Variants in RCHY1 observed in about 807,000 individuals in gnomAD.
The protein encoded by RCHY1 is ring finger and CHY zinc finger domain containing 1.
A neutral mutation model predicts 41.6 loss-of-function variants in RCHY1; 21 were observed. The ratio of observed to expected loss-of-function variants is 0.51; its 90% confidence interval spans 0.36 to 0.73. RCHY1 has a LOEUF of 0.73. RCHY1 is among the 30% of genes least tolerant of loss of function. The pLI is 0.00. For synonymous variants in RCHY1, 79 were observed against 102.9 expected (o/e 0.77, Z 1.41); for missense variants, 265 against 325.3 (o/e 0.81, Z 1.43).
intron 3 of RCHY1, among the ~76,000 whole-genome samples, chr4:75,502,730 T>C (rs983029811): frequency 1.3e-5 from 2 of 152,186 alleles, no homozygotes; most frequent in African/African-American, 4.8e-5. Context: ...CCTTTCACAT[T>C]ATCAATCATT....
At chr4:75,507,562 G>C (rs933841963) in intron 3 of RCHY1, among the ~76,000 whole-genome samples, 2 of 151,924 alleles carry the variant, frequency 1.3e-5, no homozygotes, top group African/African-American at 4.8e-5. Flanking sequence ...TATCAAACTG[G>C]ATTGAAAAAT....
chr4:75,491,873 A>C lies in RCHY1; in HGVS notation c.450+16T>G. The C allele has an allele frequency of 6.2e-7, 1 of 1,608,982 alleles. No individual in the cohort carries two copies. Among genetic ancestry groups the C allele is most frequent in the Non-Finnish European group, 8.5e-7 (1 of 1,177,768 alleles). On this transcript the variant is annotated intron_variant, in intron 5 of 8. Transcript: ENST00000324439. Reference sequence around the variant, plus strand: ...AAGAGCTGAGACTTCCAAAGTAAAAAATATTTTAAGCCTACCTCCAAACAT... The same window carrying C: ...AAGAGCTGAGACTTCCAAAGTAAAACATATTTTAAGCCTACCTCCAAACAT...
intron 1 of RCHY1, among the ~76,000 whole-genome samples, chr4:75,513,766 T>G (rs1725220168): frequency 1.3e-5 from 2 of 152,244 alleles, no homozygotes; most frequent in African/African-American, 4.8e-5. Flanking sequence ...GCCTTTAACA[T>G]GAAGCTGGCA....
chr4:75,508,463 A>C (rs1036326435), intron 3 of RCHY1, among the ~76,000 whole-genome samples: 2 of 152,132 alleles, frequency 1.3e-5, no homozygotes, highest in African/African-American at 4.8e-5. Context: ...TTTTTTAAAT[A>C]CTAATTTTTA....
chr4:75,499,858 AG>A (rs2148749933), intron 3 of RCHY1, among the ~76,000 whole-genome samples: 1 of 152,360 alleles, frequency 6.6e-6, no homozygotes, highest in South Asian at 2.1e-4. Flanking sequence ...GGTGTTTGAT[AG>A]ACCAGTAGGG....
intron 2 of RCHY1, 68 bp downstream of exon 2, chr4:75,509,109 G>T: frequency 7.0e-7 from 1 of 1,433,274 alleles, no homozygotes; most frequent in Non-Finnish European, 9.5e-7. Flanking sequence ...TGATACTTTT[G>T]ATTAAATTTT....
chr4:75,510,463 T>C (rs944659391), intron 1 of RCHY1, among the ~76,000 whole-genome samples: 14 of 152,240 alleles, frequency 9.2e-5, no homozygotes, highest in African/African-American at 3.4e-4. Flanking sequence ...TCCACTCATT[T>C]CTGAAGGCTT....
chr4:75,484,544 A>G (rs1721820529), intron 8 of RCHY1, among the ~76,000 whole-genome samples: 1 of 152,096 alleles, frequency 6.6e-6, no homozygotes, highest in Non-Finnish European at 1.5e-5. Context: ...TTCTTCTTGC[A>G]CATTTAAGTA....
At chr4:75,509,080 G>A (rs1396535423) in intron 2 of RCHY1, 97 bp downstream of exon 2, 10 of 1,303,580 alleles carry the variant, frequency 7.7e-6, no homozygotes, top group Non-Finnish European at 9.5e-6. Flanking sequence ...TATTCTAGAA[G>A]TTAAAGAAAT....
At chr4:75,498,564 C>G (rs904958152) in intron 3 of RCHY1, among the ~76,000 whole-genome samples, 10 of 149,888 alleles carry the variant, frequency 6.7e-5, no homozygotes, top group Non-Finnish European at 1.3e-4. Context: ...GTAATCAAAT[C>G]AGCATGGTAC....
intron 3 of RCHY1, among the ~76,000 whole-genome samples, chr4:75,496,113 G>A (rs899983424): frequency 7.9e-5 from 12 of 152,174 alleles, no homozygotes; most frequent in Non-Finnish European, 1.8e-4. Flanking sequence ...CTGCAGGGAC[G>A]TTTCCACTAC....
chr4:75,479,215 A>T lies in RCHY1; in HGVS notation c.*3323T>A, dbSNP rs1178915686. ...TAATCATTCTACACTGTAAACATATATCAAAACATCACATTGTACTCCATA... is the reference window on the plus strand; with the variant it reads ...TAATCATTCTACACTGTAAACATATTTCAAAACATCACATTGTACTCCATA... On this transcript the variant is annotated 3_prime_UTR_variant, in exon 9 of 9. Transcript: ENST00000324439. 6.6e-6 allele frequency: 1 copy of T among 152,158 alleles called. No homozygotes were observed. Among genetic ancestry groups the T allele is most frequent in the Admixed American group, 6.5e-5 (1 of 15,270 alleles). 9.4% of individuals were successfully genotyped at this position (152,158 alleles called of 1,614,324 possible). A position where few individuals can be genotyped will look rare whatever the true frequency, so the allele number is the denominator to read the frequency against.
At chr4:75,509,360 A>G in intron 1 of RCHY1, 64 bp from the exon 2 acceptor site, 3 of 1,531,436 alleles carry the variant, frequency 2.0e-6, no homozygotes, top group East Asian at 4.6e-5. Context: ...TGCAATACAA[A>G]AAGAAAATTT....
intron 3 of RCHY1, among the ~76,000 whole-genome samples, chr4:75,501,380 T>C (rs1379523390): frequency 3.3e-5 from 5 of 152,252 alleles, no homozygotes; most frequent in Admixed American, 6.5e-5. Flanking sequence ...CTAAAGACAG[T>C]ATTTGTCAAA....
intron 3 of RCHY1, among the ~76,000 whole-genome samples, chr4:75,504,261 TACAGTTGACCCCTTGA>T (rs1724086132): frequency 1.2e-5 from 1 of 80,002 alleles, no homozygotes; most frequent in Non-Finnish European, 2.3e-5. Context: ...GACAAGTAAA[TACAGTTGACCCCTTGA>T]ACAACACAAA....
intron 3 of RCHY1, among the ~76,000 whole-genome samples, chr4:75,505,194 T>A (rs2148764524): frequency 6.6e-6 from 1 of 152,248 alleles, no homozygotes; most frequent in South Asian, 2.1e-4. Flanking sequence ...TGTGCTCCTA[T>A]GAGAATCTAA....
At chr4:75,490,252 T>C (rs184385541) in intron 8 of RCHY1, among the ~76,000 whole-genome samples, 7 of 152,190 alleles carry the variant, frequency 4.6e-5, no homozygotes, top group Admixed American at 2.6e-4. Flanking sequence ...TAAAATGTAC[T>C]TAAAAAGTCC....
At chr4:75,509,324 T>C (rs775861951) in intron 1 of RCHY1, 28 bp from the exon 2 acceptor site, 18 of 1,601,170 alleles carry the variant, frequency 1.1e-5, no homozygotes, top group East Asian at 6.7e-5. Context: ...AAAAGAGATA[T>C]AGTAAGAAGC....
At chr4:75,488,853 G>A (rs1209272525) in intron 8 of RCHY1, among the ~76,000 whole-genome samples, 1 of 152,080 alleles carries the variant, frequency 6.6e-6, no homozygotes, top group Non-Finnish European at 1.5e-5. Flanking sequence ...GAGGCGGGTG[G>A]ATCACGAGGT....
Sources: gnomAD v4.1 joint callset for allele counts (sites outside exome capture counted in the v4.1 genomes callset) on GRCh38, gnomAD v4.1.1 for gene constraint, MANE v1.5 for transcripts, NCBI Gene and HGNC (gene_info 2026-07-23, HGNC 2026-07-21) for gene names.